The following POT1 variants were observed in gnomAD, a reference collection of about 807,000 sequenced individuals.
POT1 encodes the protein protection of telomeres 1, also known as protection of telomeres protein 1.
POT1 carries 47 observed loss-of-function variants against 78.5 expected under a neutral mutation model. That is an observed-to-expected ratio of 0.60 (90% CI 0.47 to 0.76). The LOEUF is 0.76. Among genes scored for constraint, POT1 ranks in the 30% least tolerant of loss-of-function variants. POT1 has a pLI of 0.00. For synonymous variants in POT1, 259 were observed against 260.7 expected, an observed-to-expected ratio of 0.99 and a Z score of 0.06; for missense variants, 646 against 749.9, an observed-to-expected ratio of 0.86 and a Z score of 1.62.
chr7:124,825,306 G>C lies in POT1; in HGVS notation c.1738C>G (p.Gln580Glu), dbSNP rs1046896292. Residue 580 changes from glutamine to glutamate, a missense_variant, in exon 18 of 19, where the codon CAG becomes GAG. Transcript: ENST00000357628. ...ASEVLMDDDL[Q>E]KSVDMIMDMF... ...TCCATGATCATATCCACACTTTTCT[G>C]AAGGTCATCATCCATCAGAACTTCT... 1 of 1,611,030 alleles carries C rather than the reference G, an allele frequency of 6.2e-7. No individual in the cohort carries two copies. The highest frequency in any genetic ancestry group is 8.5e-7 in the Non-Finnish European group (1 of 1,178,616).
intron 6 of POT1, among the ~76,000 whole-genome samples, chr7:124,874,798 G>A (rs866425538): frequency 6.6e-6 from 1 of 151,176 alleles, no homozygotes; most frequent in African/African-American, 2.4e-5. Context: ...AAGGGAATGA[G>A]GGGGAGGAAA....
chr7:124,899,265 C>T (rs1333099964), intron 3 of POT1, among the ~76,000 whole-genome samples: 1 of 152,142 alleles, frequency 6.6e-6, no homozygotes, highest in Admixed American at 6.5e-5. Context: ...AAAGCAGGCC[C>T]TCCCAAAACA....
intron 5 of POT1, among the ~76,000 whole-genome samples, chr7:124,894,519 T>C (rs996959617): frequency 1.3e-5 from 2 of 151,654 alleles, no homozygotes; most frequent in African/African-American, 2.4e-5. Flanking sequence ...CAAGTATTTA[T>C]GTGTACAACA....
chr7:124,892,634 A>G lies in POT1; in HGVS notation c.10-254T>C, dbSNP rs1195834347. 9 of 235,790 alleles carry G rather than the reference A, an allele frequency of 3.8e-5. No individual in the cohort carries two copies. In the Admixed American group the frequency reaches 5.1e-4, roughly 13 times the overall value. The allele number at this position is 235,790 out of a possible 1,614,324, so 14.6% of individuals were successfully genotyped here. A position where few individuals can be genotyped will look rare whatever the true frequency, so the allele number is the denominator to read the frequency against. ...ACCTATAATCTAATTAAAACATTATACTTCTTCAATAAAAACATAGCAAAC... is the reference window on the plus strand; with the variant it reads ...ACCTATAATCTAATTAAAACATTATGCTTCTTCAATAAAAACATAGCAAAC... On this transcript the variant is annotated intron_variant, in intron 5 of 18. Transcript: ENST00000357628.
chr7:124,864,085 G>C (rs975212827), intron 7 of POT1, among the ~76,000 whole-genome samples: 2 of 152,132 alleles, frequency 1.3e-5, no homozygotes, highest in Admixed American at 6.6e-5. Context: ...TTTAATCAGA[G>C]TGACTGAGAG....
chr7:124,915,391 CAGTTA>C (rs1411222376), intron 3 of POT1, among the ~76,000 whole-genome samples, 178 bp downstream of exon 3: 1 of 152,074 alleles, frequency 6.6e-6, no homozygotes, highest in Non-Finnish European at 1.5e-5. Flanking sequence ...AGTTTTAAGA[CAGTTA>C]AGCTGCTAAG....
At chr7:124,895,626 T>C (rs1242149965) in intron 5 of POT1, among the ~76,000 whole-genome samples, 1 of 151,600 alleles carries the variant, frequency 6.6e-6, no homozygotes, top group African/African-American at 2.4e-5. Context: ...AAAACACAAA[T>C]AGACCCTGCA....
intron 6 of POT1, among the ~76,000 whole-genome samples, chr7:124,889,519 C>T (rs1041456277): frequency 6.6e-5 from 10 of 152,110 alleles, no homozygotes; most frequent in Non-Finnish European, 1.3e-4. Context: ...CAATGTAAAC[C>T]AAACAGTCTT....
intron 14 of POT1, among the ~76,000 whole-genome samples, chr7:124,838,501 A>G (rs1175409245): frequency 6.6e-6 from 1 of 152,148 alleles, no homozygotes; most frequent in East Asian, 1.9e-4. Flanking sequence ...ATAAAACCCT[A>G]GTTAAAGGGA....
At chr7:124,871,769 G>A (rs1200823541) in intron 6 of POT1, among the ~76,000 whole-genome samples, 2 of 142,994 alleles carry the variant, frequency 1.4e-5, no homozygotes, top group Non-Finnish European at 3.0e-5. Flanking sequence ...ATAAAAGATT[G>A]TATGTATTTA....
Position 124,863,566 on chromosome 7 carries a change from CA to C in POT1, c.329del (p.Leu110TrpfsTer24). ...AAGTGCGAGGTATGATAGGGGCTCC[CA>C]AAGTTCCCTCAAACGTCAAAGATGC... ...GFASLTFEGT[L>X]GAPIIPRTSS... is the part of the protein sequence containing the mutation. On this transcript the variant is annotated frameshift_variant, in exon 8 of 19. Coordinates refer to ENST00000357628, the MANE Select transcript of POT1 (RefSeq NM_015450.3). LOFTEE classifies it high-confidence loss of function. 6.2e-7 allele frequency: 1 copy of C among 1,613,780 alleles called. No individual in the cohort carries two copies. Among genetic ancestry groups the C allele is most frequent in the African/African-American group, 1.3e-5 (1 of 74,992 alleles).
intron 3 of POT1, among the ~76,000 whole-genome samples, chr7:124,913,124 A>T (rs531143570): frequency 1.1e-3 from 175 of 152,248 alleles, no homozygotes; most frequent in African/African-American, 3.8e-3. Flanking sequence ...CTATCATGAG[A>T]ACAGCCAAGG....
chr7:124,923,741 A>C (rs887147482), intron 2 of POT1, among the ~76,000 whole-genome samples: 1 of 151,634 alleles, frequency 6.6e-6, no homozygotes, highest in Non-Finnish European at 1.5e-5. Flanking sequence ...AGAATGTGTA[A>C]AGTCAAAGTT....
At chr7:124,890,209 G>T (rs1361592920) in intron 6 of POT1, among the ~76,000 whole-genome samples, 2 of 151,956 alleles carry the variant, frequency 1.3e-5, no homozygotes, top group African/African-American at 4.8e-5. Flanking sequence ...TTAAGTCACT[G>T]CAGATGTGGT....
chr7:124,859,357 C>G (rs1021712405), intron 8 of POT1, among the ~76,000 whole-genome samples: 3 of 151,986 alleles, frequency 2.0e-5, no homozygotes, highest in African/African-American at 7.2e-5. Context: ...ACTAAATATT[C>G]CTGAGTCAAG....
chr7:124,875,079 C>T (rs918564603), intron 6 of POT1, among the ~76,000 whole-genome samples: 1 of 152,126 alleles, frequency 6.6e-6, no homozygotes, highest in African/African-American at 2.4e-5. Context: ...ATATTTCTTA[C>T]TATTAGTAAG....
intron 13 of POT1, among the ~76,000 whole-genome samples, chr7:124,842,328 TCA>T (rs1401365658): frequency 7.9e-5 from 12 of 151,968 alleles, no homozygotes; most frequent in African/African-American, 2.9e-4. Context: ...TCACTGATGT[TCA>T]GAGTAAAGGC....
At chr7:124,884,622 A>AG (rs78725268) in intron 6 of POT1, among the ~76,000 whole-genome samples, 91,312 of 151,818 alleles carry the variant, frequency 0.6, 27,597 homozygotes, top group African/African-American at 0.65. Flanking sequence ...AAAAGAAAGA[A>AG]GGACTCAAAA....
chr7:124,909,768 T>C (rs967810842), intron 3 of POT1, among the ~76,000 whole-genome samples: 2 of 151,934 alleles, frequency 1.3e-5, no homozygotes, highest in Non-Finnish European at 2.9e-5. Context: ...TAATACCTAA[T>C]GTAATGTACA....
Sources: gnomAD v4.1 joint callset for allele counts (sites outside exome capture counted in the v4.1 genomes callset) on GRCh38, gnomAD v4.1.1 for gene constraint, MANE v1.5 for transcripts, NCBI Gene and HGNC (gene_info 2026-07-23, HGNC 2026-07-21) for gene names.